VPS13D: variants seen among roughly 807,000 people sequenced by gnomAD.
VPS13D encodes intermembrane lipid transfer protein VPS13D.
VPS13D carries 187 observed loss-of-function variants against 461.9 expected under a neutral mutation model. That is an observed-to-expected ratio of 0.40 (90% CI 0.36 to 0.46). VPS13D has a LOEUF of 0.46. Among genes scored for constraint, VPS13D ranks in the 20% least tolerant of loss-of-function variants. The pLI, the probability that VPS13D is intolerant of heterozygous loss-of-function variation, is 0.60. For missense variants in VPS13D, 4,711 were observed against 5,364.9 expected (o/e 0.88, Z 3.81); for synonymous variants, 1,951 against 1,986.3 (o/e 0.98, Z 0.47).
At chr1:12,231,244 A>T (rs74692785) in intron 1 of VPS13D, among the ~76,000 whole-genome samples, 2,286 of 152,214 alleles carry the variant, frequency 0.015, 51 homozygotes, top group African/African-American at 0.051. Context: ...GTCCTGATGG[A>T]CCGGAGTGTA....
At chr1:12,357,736 A>G (rs1201503639) in intron 49 of VPS13D, among the ~76,000 whole-genome samples, 1 of 152,224 alleles carries the variant, frequency 6.6e-6, no homozygotes, top group African/African-American at 2.4e-5. Context: ...CCGGCTGGGT[A>G]CGGTGGCTCA....
chr1:12,321,685 G>C, intron 32 of VPS13D, 124 bp from the exon 33 acceptor site: 1 of 1,008,674 alleles, frequency 9.9e-7, no homozygotes, highest in Non-Finnish European at 1.4e-6. Flanking sequence ...ATTTATTTCA[G>C]CAGTTGTTAT....
intron 53 of VPS13D, 118 bp from the exon 54 acceptor site, chr1:12,369,349 T>G: frequency 1.1e-6 from 1 of 874,202 alleles, no homozygotes; most frequent in Non-Finnish European, 1.8e-6. Flanking sequence ...GGGGCTTATT[T>G]CCTGTGTAAG....
At chr1:12,428,545 T>TGTGCTGTC (rs1196838806) in intron 65 of VPS13D, among the ~76,000 whole-genome samples, 1 of 152,186 alleles carries the variant, frequency 6.6e-6, no homozygotes, top group East Asian at 1.9e-4. Context: ...CAGTCATGCT[T>TGTGCTGTC]GTGCTGTCCT....
intron 67 of VPS13D, among the ~76,000 whole-genome samples, chr1:12,478,248 G>C (rs948181165): frequency 9.2e-5 from 14 of 152,254 alleles, no homozygotes; most frequent in African/African-American, 3.1e-4. Context: ...TTACAGTACC[G>C]AACAAAGGGA....
chr1:12,382,899 G>C, intron 57 of VPS13D, 77 bp from the exon 58 acceptor site: 2 of 1,368,084 alleles, frequency 1.5e-6, no homozygotes, highest in Non-Finnish European at 2.0e-6. Flanking sequence ...TTAGGAACTT[G>C]TTTGAAATGA....
chr1:12,359,633 G>A (rs1643921405), intron 50 of VPS13D, among the ~76,000 whole-genome samples: 1 of 152,128 alleles, frequency 6.6e-6, no homozygotes, highest in Non-Finnish European at 1.5e-5. Flanking sequence ...TATTTATCCT[G>A]AGTCCCATGG....
chr1:12,291,537 C>T (rs1642132127), intron 23 of VPS13D, among the ~76,000 whole-genome samples: 1 of 152,102 alleles, frequency 6.6e-6, no homozygotes, highest in African/African-American at 2.4e-5. Context: ...GTGGGAGGAT[C>T]CCTTAATCCC....
intron 65 of VPS13D, among the ~76,000 whole-genome samples, chr1:12,422,717 A>G (rs1644878644): frequency 1.3e-5 from 2 of 152,082 alleles, no homozygotes; most frequent in African/African-American, 4.8e-5. Flanking sequence ...CTTTATATAC[A>G]TTGTCTTCTG....
intron 10 of VPS13D, 64 bp from the exon 11 acceptor site, chr1:12,260,629 C>A: frequency 7.3e-7 from 1 of 1,370,942 alleles, no homozygotes; most frequent in South Asian, 1.2e-5. Flanking sequence ...GTGAGGGTGT[C>A]CAGTGTCTCT....
chr1:12,439,330 A>G (rs1263506132), intron 65 of VPS13D, among the ~76,000 whole-genome samples: 1 of 151,908 alleles, frequency 6.6e-6, no homozygotes, highest in Non-Finnish European at 1.5e-5. Context: ...AGGTCTCTGC[A>G]CTCAGTGTTC....
Position 12,378,512 on chromosome 1 carries a change from A to G in VPS13D, c.11002A>G (p.Asn3668Asp), listed in dbSNP as rs777557545. ...HEGSSVPHNP[N>D]KPSAARSTEG... is the part of the protein sequence containing the mutation. ...GGGCTCCTCAGTTCCTCACAATCCC[A>G]ATAAGCCCTCAGCCGCCCGCTCCAC... is the stretch of plus-strand genomic sequence containing the variant. The change falls in exon 56 of 70, where the codon AAT becomes GAT. Residue 3668 changes from asparagine to aspartate, a missense_variant. By Grantham distance (23) the Asn-to-Asp change is conservative. Around this residue, in one of 3 missense-constraint regions of VPS13D, gnomAD observed 4,411 missense variants for 4,937.8 expected, o/e 0.89. Coordinates refer to ENST00000620676, the MANE Select transcript of VPS13D (RefSeq NM_015378.4). 2.5e-6 allele frequency: 4 copies of G among 1,612,672 alleles called. No homozygotes were observed. The highest frequency in any genetic ancestry group is 2.5e-6 in the Non-Finnish European group (3 of 1,179,428).
chr1:12,244,413 C>T lies in VPS13D; in HGVS notation c.343C>T (p.Gln115Ter), dbSNP rs778524264. The change falls in exon 4 of 70, where the codon CAA becomes TAA. Residue 115 changes from glutamine (Q) to a stop codon, truncating the protein, a stop_gained. Transcript: ENST00000620676. LOFTEE classifies it high-confidence loss of function. Reference sequence around the variant, plus strand: ...AAGGGAACGTAAGAAAGCACTACTTCAAGCCCTGGAGGAGAAATGGAAGGC... The same window carrying T: ...AAGGGAACGTAAGAAAGCACTACTTTAAGCCCTGGAGGAGAAATGGAAGGC... The part of the protein sequence containing the change: ...LERERKKALL[Q>*]ALEEKWKNDR... 1.2e-6 allele frequency: 2 copies of T among 1,614,154 alleles called. No individual in the cohort carries two copies. The highest frequency in any genetic ancestry group is 1.7e-6 in the Non-Finnish European group (2 of 1,180,018).
intron 6 of VPS13D, among the ~76,000 whole-genome samples, chr1:12,253,451 A>G (rs188563837): frequency 6.6e-6 from 1 of 152,290 alleles, no homozygotes; most frequent in East Asian, 1.9e-4. Context: ...ACTCATTTGC[A>G]CAGTGACGTT....
rs1427914488 is a variant in VPS13D at position 12,505,486 on chromosome 1, A to G, written c.12795-1367A>G. Among the ~76,000 whole-genome samples, 1 of 152,196 alleles carries G rather than the reference A, an allele frequency of 6.6e-6. No homozygotes were observed. Among genetic ancestry groups the G allele is most frequent in the Non-Finnish European group, 1.5e-5 (1 of 68,026 alleles). ...AGAACAATAAATCCCAGTTTTTGTC[A>G]TGGGCGTCTGTAATTAAAATGGCAA... On this transcript the variant is annotated intron_variant, in intron 68 of 69. Coordinates refer to ENST00000620676, the MANE Select transcript of VPS13D (RefSeq NM_015378.4). The surrounding 1 kb of genome is among the most constrained non-coding windows in gnomAD (Gnocchi z 4.2).
chr1:12,442,327 A>G (rs1195900541), intron 65 of VPS13D, among the ~76,000 whole-genome samples: 1 of 152,324 alleles, frequency 6.6e-6, no homozygotes, highest in South Asian at 2.1e-4. Flanking sequence ...TATTTTATAC[A>G]TTGTATAGCA....
intron 55 of VPS13D, among the ~76,000 whole-genome samples, chr1:12,377,184 C>T (rs1022844870): frequency 6.6e-6 from 1 of 151,788 alleles, no homozygotes; most frequent in African/African-American, 2.4e-5. Context: ...CTCAGTTTCC[C>T]GAGTAGCTGG....
In VPS13D at chr1:12,509,070, C is replaced by G; in HGVS notation, c.*46C>G. 6.3e-7 allele frequency: 1 copy of G among 1,591,842 alleles called. No individual in the cohort carries two copies. Among genetic ancestry groups the G allele is most frequent in the Non-Finnish European group, 8.6e-7 (1 of 1,169,532 alleles). On this transcript the variant is annotated 3_prime_UTR_variant, in exon 70 of 70. Transcript: ENST00000620676. ...CGCTCCCGACACAGCGCAGACCCAC[C>G]AGGAGGAAAGAGGCCCAGCTCTCAG...
intron 2 of VPS13D, among the ~76,000 whole-genome samples, chr1:12,236,597 G>A (rs1179526578): frequency 1.3e-5 from 2 of 152,056 alleles, no homozygotes; most frequent in African/African-American, 4.8e-5. Flanking sequence ...TGCTCAGGCA[G>A]CTCTTGAACT....
Sources: allele counts gnomAD v4.1 joint callset (sites outside exome capture counted in the v4.1 genomes callset), GRCh38; gene constraint gnomAD v4.1.1; regional missense constraint gnomAD v4.1.1; non-coding constraint Gnocchi (gnomAD v3.1); transcripts MANE v1.5; gene names NCBI Gene and HGNC (gene_info 2026-07-23, HGNC 2026-07-21).